RAD51B: variants seen among roughly 807,000 people sequenced by gnomAD.
The protein encoded by RAD51B is RAD51 paralog B, also known as DNA repair protein RAD51 homolog 2.
RAD51B carries 38 observed loss-of-function variants against 42.2 expected under a neutral mutation model. The observed-to-expected ratio is 0.90, with a 90% CI of 0.70 to 1.18. The LOEUF (loss-of-function observed/expected upper bound fraction) is 1.18. Among genes scored for constraint, RAD51B ranks in the 50% most tolerant of loss-of-function variants. The pLI is 0.00. For missense variants in RAD51B, 373 were observed against 400.7 expected, an observed-to-expected ratio of 0.93 and a Z score of 0.59; for synonymous variants, 154 against 145.2, an observed-to-expected ratio of 1.06 and a Z score of -0.43.
intron 10 of RAD51B, among the ~76,000 whole-genome samples, chr14:68,591,405 G>C (rs957130330): frequency 2.6e-5 from 4 of 152,178 alleles, no homozygotes; most frequent in African/African-American, 9.7e-5. Flanking sequence ...GACAAACAGG[G>C]GAGCCACCTC....
intron 7 of RAD51B, among the ~76,000 whole-genome samples, chr14:68,097,185 A>G (rs2077210592): frequency 6.6e-6 from 1 of 152,176 alleles, no homozygotes. Flanking sequence ...TCTGAAAATT[A>G]GTCTCCTTAT....
intron 7 of RAD51B, among the ~76,000 whole-genome samples, chr14:67,956,092 C>G (rs2074541025): frequency 1.3e-5 from 2 of 151,970 alleles, no homozygotes. Flanking sequence ...TTTTAGTTTT[C>G]ACTTGTTATA....
intron 10 of RAD51B, among the ~76,000 whole-genome samples, chr14:68,650,132 G>A (rs1430707779): frequency 1.3e-5 from 2 of 152,194 alleles, no homozygotes. Flanking sequence ...AATTCTGTTT[G>A]ACCACCGAAA....
At chr14:68,524,046 T>C (rs1886763873) in intron 10 of RAD51B, among the ~76,000 whole-genome samples, 1 of 152,192 alleles carries the variant, frequency 6.6e-6, no homozygotes, top group African/African-American at 2.4e-5. Context: ...ATCACAGCTT[T>C]ACCAAGTACC....
At chr14:67,979,415 G>A (rs1047226494) in intron 7 of RAD51B, among the ~76,000 whole-genome samples, 6 of 152,062 alleles carry the variant, frequency 3.9e-5, no homozygotes, top group Admixed American at 2.6e-4. Flanking sequence ...TCTGGGTGGT[G>A]GGCCCCCAAC....
At chr14:68,046,304 A>G (rs1321297804) in intron 7 of RAD51B, among the ~76,000 whole-genome samples, 1 of 152,064 alleles carries the variant, frequency 6.6e-6, no homozygotes, top group East Asian at 1.9e-4. Flanking sequence ...TTTTGTAGAG[A>G]CAAAGTCTGA....
Position 68,083,132 on chromosome 14 carries a change from G to A in RAD51B, c.756+195928G>A, listed in dbSNP as rs550543772. The stretch of plus-strand genomic sequence containing the variant: ...CTTTATTTGGTGAGATTCAAATAGC[G>A]TTCATGAAAACGGTATCTTTTAATA... On this transcript the variant is annotated intron_variant, in intron 7 of 10. Transcript: ENST00000471583. 1.1e-4 allele frequency among the ~76,000 whole-genome samples: 16 copies of A among 152,258 alleles called. No individual in the cohort carries two copies. The East Asian group carries it at 1.9e-3, about 18-fold the overall frequency.
At chr14:68,205,434 G>A (rs1198589397) in intron 7 of RAD51B, among the ~76,000 whole-genome samples, 1 of 152,118 alleles carries the variant, frequency 6.6e-6, no homozygotes, top group Non-Finnish European at 1.5e-5. Context: ...TGGGCAGTAT[G>A]TGGTGAAATG....
downstream of RAD51B, among the ~76,000 whole-genome samples, chr14:68,596,418 T>C (rs60860400): frequency 0.019 from 2,842 of 152,260 alleles, 85 homozygotes; most frequent in African/African-American, 0.065. Flanking sequence ...CATAGCACCC[T>C]ACGCTCAGAG....
At chr14:67,840,307 C>G (rs1039953353) in intron 4 of RAD51B, among the ~76,000 whole-genome samples, 3 of 152,082 alleles carry the variant, frequency 2.0e-5, no homozygotes, top group Non-Finnish European at 4.4e-5. Flanking sequence ...TAATAATCTC[C>G]AGTGTTGATT....
chr14:68,642,729 G>A (rs556817835), intron 10 of RAD51B, among the ~76,000 whole-genome samples: 5 of 152,184 alleles, frequency 3.3e-5, no homozygotes, highest in African/African-American at 7.2e-5. Flanking sequence ...TTCTTCTAAC[G>A]TATGCACTCA....
intron 8 of RAD51B, among the ~76,000 whole-genome samples, chr14:68,374,840 T>G (rs2083333436): frequency 6.6e-6 from 1 of 151,042 alleles, no homozygotes; most frequent in Admixed American, 6.6e-5. Flanking sequence ...AGAGCTCAGT[T>G]TTACCTGCGC....
intron 10 of RAD51B, among the ~76,000 whole-genome samples, chr14:68,494,217 T>C (rs746572645): frequency 5.3e-5 from 8 of 150,322 alleles, no homozygotes; most frequent in Non-Finnish European, 1.0e-4. Context: ...GAGGCAGAGG[T>C]TGTAGTGAGC....
chr14:68,191,279 A>T (rs1443783662), intron 7 of RAD51B, among the ~76,000 whole-genome samples: 1 of 152,176 alleles, frequency 6.6e-6, no homozygotes, highest in Non-Finnish European at 1.5e-5. Context: ...TGTTTGGATC[A>T]TGGTTTCTGT....
At chr14:68,115,147 A>C (rs1298650306) in intron 7 of RAD51B, among the ~76,000 whole-genome samples, 1 of 137,518 alleles carries the variant, frequency 7.3e-6, no homozygotes, top group East Asian at 2.1e-4. Flanking sequence ...AACCAACCCA[A>C]ATGTCCAACA....
chr14:68,658,210 CACGT>C (rs951825377), intron 11 of RAD51B, among the ~76,000 whole-genome samples: 2 of 152,232 alleles, frequency 1.3e-5, no homozygotes, highest in African/African-American at 4.8e-5. Context: ...TGAGGACAGC[CACGT>C]CCCTGGCCTT....
At chr14:67,856,739 C>T (rs531100691) in intron 4 of RAD51B, among the ~76,000 whole-genome samples, 1 of 152,232 alleles carries the variant, frequency 6.6e-6, no homozygotes, top group South Asian at 2.1e-4. Flanking sequence ...TTCATTTTTA[C>T]TTTAGTACAA....
chr14:68,321,905 T>C (rs888497289), intron 8 of RAD51B, among the ~76,000 whole-genome samples: 3 of 152,002 alleles, frequency 2.0e-5, no homozygotes, highest in African/African-American at 7.3e-5. Flanking sequence ...TACTCCCACT[T>C]CAGCCTCCTG....
intron 4 of RAD51B, among the ~76,000 whole-genome samples, chr14:67,836,008 ACTTT>A (rs994317421): frequency 2.0e-5 from 3 of 152,238 alleles, no homozygotes; most frequent in Non-Finnish European, 4.4e-5. Flanking sequence ...AGCTGTTTTT[ACTTT>A]CTGTTATAGA....
Sources: allele counts gnomAD v4.1 joint callset (sites outside exome capture counted in the v4.1 genomes callset), GRCh38; gene constraint gnomAD v4.1.1; transcripts MANE v1.5; gene names NCBI Gene and HGNC (gene_info 2026-07-23, HGNC 2026-07-21).